Variants in MON1B observed in about 807,000 individuals in gnomAD.
The protein encoded by MON1B is MON1 vesicular trafficking associated B.
A neutral mutation model predicts 45.1 loss-of-function variants in MON1B; 26 were observed. The observed-to-expected ratio is 0.58, with a 90% confidence interval of 0.42 to 0.80. The LOEUF is 0.80. Ranked by LOEUF, MON1B falls within the 30% of genes least tolerant of loss-of-function variation. The pLI, the probability that MON1B is intolerant of heterozygous loss-of-function variation, is 0.00. For missense variants in MON1B, 737 were observed against 754.5 expected (o/e 0.98, Z 0.27); for synonymous variants, 395 against 320.2 (o/e 1.23, Z -2.49).
chr16:77,195,348 C>T (rs1288648877), intron 4 of MON1B, among the ~76,000 whole-genome samples, 187 bp from the exon 5 acceptor site: 3 of 152,166 alleles, frequency 2.0e-5, no homozygotes, highest in African/African-American at 4.8e-5. Context: ...GACAGCAGGG[C>T]CCTAGTACTC....
In MON1B at chr16:77,198,198, G is replaced by A. The variant is rs980020657; in HGVS notation, c.1534G>A (p.Val512Met). The change falls in exon 6 of 6, where the codon GTG becomes ATG. Residue 512 changes from valine to methionine, a missense_variant. Physicochemically the swap from Val to Met is conservative, Grantham distance 21. Coordinates refer to ENST00000248248, the MANE Select transcript of MON1B (RefSeq NM_014940.4). Reference sequence around the variant, plus strand: ...GGTAGTGACCAAACTCCTGCGCTGGGTGAAGAAAGAGGAGGACCGGCTCTT... The same window carrying A: ...GGTAGTGACCAAACTCCTGCGCTGGATGAAGAAAGAGGAGGACCGGCTCTT... ...ILVVTKLLRW[V>M]KKEEDRLFIR... is the part of the protein sequence containing the mutation. 1 of 1,614,134 alleles carries A rather than the reference G, an allele frequency of 6.2e-7. No individual in the cohort carries two copies. The highest frequency in any genetic ancestry group is 8.5e-7 in the Non-Finnish European group (1 of 1,180,018).
intron 5 of MON1B, among the ~76,000 whole-genome samples, chr16:77,197,374 T>C (rs8061301): frequency 0.99 from 151,520 of 152,308 alleles, 75,373 homozygotes; most frequent in Middle Eastern, 1. Context: ...CCAGCCTGGG[T>C]AACAGAGTAA....
chr16:77,195,373 T>A (rs2054655044), intron 4 of MON1B, among the ~76,000 whole-genome samples, 162 bp from the exon 5 acceptor site: 1 of 152,164 alleles, frequency 6.6e-6, no homozygotes, highest in African/African-American at 2.4e-5. Flanking sequence ...AATCTCCTAG[T>A]TTGATGAGGG....
At position 77,198,293 on chromosome 16, in the gene MON1B, G is replaced by A. The variant is rs751644478; in HGVS notation, c.1629G>A (p.Leu543=). The change falls in exon 6 of 6, where the codon TTG becomes TTA. Residue 543 remains leucine (L), a synonymous_variant. Coordinates refer to ENST00000248248, the MANE Select transcript of MON1B (RefSeq NM_014940.4). ...CGGACCAAGCTGCCCATAATGGCTT[G>A]TTCACTGGACTCTGATAGTTGGAGC... ...TSTDQAAHNG[L]FTGL is the part of the protein sequence containing the mutation. 3 of 1,613,780 alleles carry A rather than the reference G, an allele frequency of 1.9e-6. No individual in the cohort carries two copies. Among genetic ancestry groups the A allele is most frequent in the South Asian group, 2.2e-5 (2 of 91,084 alleles).
Position 77,201,308 on chromosome 16 carries a change from CA to C in MON1B, c.*3001del, listed in dbSNP as rs2054740075. The C allele has an allele frequency of 2.0e-5, 3 of 152,176 alleles. No individual in the cohort carries two copies. Among genetic ancestry groups the C allele is most frequent in the Admixed American group, 6.5e-5 (1 of 15,278 alleles). 9.4% of individuals were successfully genotyped at this position (152,176 alleles called of 1,614,324 possible). The stretch of plus-strand genomic sequence containing the variant: ...TTTATTAACTGTGTAATGCAGCTGC[CA>C]CTGCAATTAAAAAAAAAATTTTAGT... On this transcript the variant is annotated 3_prime_UTR_variant, in exon 6 of 6. Coordinates refer to ENST00000248248, the MANE Select transcript of MON1B (RefSeq NM_014940.4).
At chr16:77,196,883 C>T (rs2054670548) in intron 5 of MON1B, among the ~76,000 whole-genome samples, 1 of 152,176 alleles carries the variant, frequency 6.6e-6, no homozygotes, top group Non-Finnish European at 1.5e-5. Flanking sequence ...AAATCCTTCT[C>T]TAGCATTTAT....
rs753062963 is a variant in MON1B at position 77,194,218 on chromosome 16, G to A, written c.476-117G>A. ...CCCAGTCCAGGTGCCCACAGAGTGA[G>A]CATGTGGACTCGGGCCTGGTGTGTG... On this transcript the variant is annotated intron_variant, in intron 3 of 5. Coordinates refer to ENST00000248248, the MANE Select transcript of MON1B (RefSeq NM_014940.4). The surrounding 1 kb of genome is among the most constrained non-coding windows in gnomAD (Gnocchi z 8.1). 2.2e-6 allele frequency: 2 copies of A among 917,336 alleles called. No homozygotes were observed. The highest frequency in any genetic ancestry group is 4.8e-5 in the East Asian group (2 of 41,600). 56.8% of individuals were successfully genotyped at this position (917,336 alleles called of 1,614,324 possible).
Position 77,198,723 on chromosome 16 carries a change from C to A in MON1B, c.*415C>A, listed in dbSNP as rs71396103. ...GGGTGCTGGAATTGGCACTTCAGGGCCAGGCTATGCTTGGGACTGGCCTGA... is the reference window on the plus strand; with the variant it reads ...GGGTGCTGGAATTGGCACTTCAGGGACAGGCTATGCTTGGGACTGGCCTGA... On this transcript the variant is annotated 3_prime_UTR_variant, in exon 6 of 6. Coordinates refer to ENST00000248248, the MANE Select transcript of MON1B (RefSeq NM_014940.4). The A allele has an allele frequency of 0.029, 6,717 of 229,868 alleles. 150 individuals are homozygous for A. Among genetic ancestry groups the A allele is most frequent in the African/African-American group, 0.049 (2,216 of 45,134 alleles). 14.2% of individuals were successfully genotyped at this position (229,868 alleles called of 1,614,324 possible). A position where few individuals can be genotyped will look rare whatever the true frequency, so the allele number is the denominator to read the frequency against.
chr16:77,198,351 T>G lies in MON1B; in HGVS notation c.*43T>G. On this transcript the variant is annotated 3_prime_UTR_variant, in exon 6 of 6. Transcript: ENST00000248248. ...CCAGGCAGTGCTGGGAGCAACCACC[T>G]TTGTTTTTTACCTTCTGTCTACCCT... 1 of 1,579,870 alleles carries G rather than the reference T, an allele frequency of 6.3e-7. No individual in the cohort carries two copies. Among genetic ancestry groups the G allele is most frequent in the Non-Finnish European group, 8.7e-7 (1 of 1,149,154 alleles).
intron 1 of MON1B, 65 bp downstream of exon 1, chr16:77,191,323 G>C (rs2054612625): frequency 6.5e-7 from 1 of 1,545,956 alleles, no homozygotes; most frequent in Non-Finnish European, 8.8e-7. Context: ...GTGTTGGAGG[G>C]GGGACGTATT....
Position 77,194,271 on chromosome 16 carries a change from A to C in MON1B, c.476-64A>C. ...TGGTAGGAGAGGGCAGAAGAGCCCCACTGTCTCCCTCTGGTCATTCCTGAT... is the reference window on the plus strand; with the variant it reads ...TGGTAGGAGAGGGCAGAAGAGCCCCCCTGTCTCCCTCTGGTCATTCCTGAT... On this transcript the variant is annotated intron_variant, in intron 3 of 5. Transcript: ENST00000248248. The surrounding 1 kb of genome is among the most constrained non-coding windows in gnomAD (Gnocchi z 8.1). 3 of 1,421,176 alleles carry C rather than the reference A, an allele frequency of 2.1e-6. No individual in the cohort carries two copies. Among genetic ancestry groups the C allele is most frequent in the Non-Finnish European group, 2.9e-6 (3 of 1,018,634 alleles). 88.0% of individuals were successfully genotyped at this position (1,421,176 alleles called of 1,614,324 possible).
chr16:77,194,621 C>G lies in MON1B; in HGVS notation c.762C>G (p.Ala254=). The change falls in exon 4 of 6, where the codon GCC becomes GCG. Residue 254 remains alanine (A), a synonymous_variant. Transcript: ENST00000248248. This position sits in a 1 kb window ranked among gnomAD's most constrained non-coding sequence, Gnocchi z 8.1. The stretch of plus-strand genomic sequence containing the variant: ...GTGCCGTGCGCTGTGTGCCCCTTGC[C>G]CGCCCGCTGCGAGACGCACTAGGTG... ...LLGAVRCVPL[A]RPLRDALGAL... is the part of the protein sequence containing the mutation. 1 of 1,613,824 alleles carries G rather than the reference C, an allele frequency of 6.2e-7. No homozygotes were observed. Among genetic ancestry groups the G allele is most frequent in the South Asian group, 1.1e-5 (1 of 91,064 alleles).
rs1027812438 is a variant in MON1B at position 77,191,228 on chromosome 16, T to G, written c.-41T>G. The G allele has an allele frequency of 5.9e-6, 9 of 1,536,514 alleles. No homozygotes were observed. Among genetic ancestry groups the G allele is most frequent in the African/African-American group, 2.7e-5 (2 of 73,052 alleles). On this transcript the variant is annotated 5_prime_UTR_variant, in exon 1 of 6. Coordinates refer to ENST00000248248, the MANE Select transcript of MON1B (RefSeq NM_014940.4). ...CCGCCGCTACGGGGAAGTAATGGTA[T>G]CCGGCCAATTGAGATTCGGAGTTAA... is the stretch of plus-strand genomic sequence containing the variant.
In MON1B at chr16:77,199,510, A is replaced by C. The variant is rs754218754; in HGVS notation, c.*1202A>C. On this transcript the variant is annotated 3_prime_UTR_variant, in exon 6 of 6. Transcript: ENST00000248248. ...GCGCCAGAAGCTACTGAGGAGGCTGAAGGTAGTGAGGGCAAGTGGGCTGCA... is the reference window on the plus strand; with the variant it reads ...GCGCCAGAAGCTACTGAGGAGGCTGCAGGTAGTGAGGGCAAGTGGGCTGCA... The C allele has an allele frequency of 6.4e-6, 10 of 1,551,224 alleles. No individual in the cohort carries two copies. In the South Asian group the frequency reaches 1.2e-4, roughly 18 times the overall value.
chr16:77,195,870 T>A lies in MON1B; in HGVS notation c.1443+188T>A, dbSNP rs60108557. 6.9e-3 allele frequency among the ~76,000 whole-genome samples: 1,045 copies of A among 152,310 alleles called. 14 individuals are homozygous for A. Among genetic ancestry groups the A allele is most frequent in the African/African-American group, 0.023 (960 of 41,562 alleles). ...AAGCCCCTGACAACTAATGACCGTG[T>A]CTCTAATCCGACATTAGCCTCACCC... On this transcript the variant is annotated intron_variant, in intron 5 of 5. Transcript: ENST00000248248.
intron 5 of MON1B, among the ~76,000 whole-genome samples, chr16:77,196,730 C>T (rs34143201): frequency 0.29 from 43,476 of 152,088 alleles, 7,796 homozygotes; most frequent in Non-Finnish European, 0.39. Context: ...GAGCCAAGAT[C>T]GCGCCACTGC....
intron 4 of MON1B, 54 bp downstream of exon 4, chr16:77,195,208 A>G: frequency 7.0e-7 from 1 of 1,437,762 alleles, no homozygotes; most frequent in Admixed American, 2.4e-5. Flanking sequence ...TCAAACCAGG[A>G]AGTTCAGCAT....
At chr16:77,197,464 G>A (rs573159613) in intron 5 of MON1B, among the ~76,000 whole-genome samples, 3 of 152,298 alleles carry the variant, frequency 2.0e-5, no homozygotes, top group East Asian at 3.9e-4. Context: ...TGATCAGGGT[G>A]GCCTCCCTGA....
In MON1B at chr16:77,194,846, C is replaced by T; in HGVS notation, c.987C>T (p.Arg329=). The T allele has an allele frequency of 6.2e-7, 1 of 1,610,998 alleles. No homozygotes were observed. The highest frequency in any genetic ancestry group is 8.5e-7 in the Non-Finnish European group (1 of 1,180,022). Residue 329 remains arginine (R), a synonymous_variant, in exon 4 of 6, where the codon CGC becomes CGT. Coordinates refer to ENST00000248248, the MANE Select transcript of MON1B (RefSeq NM_014940.4). This position sits in a 1 kb window ranked among gnomAD's most constrained non-coding sequence, Gnocchi z 8.1. ...CTTGGGCACCTGTGTGCCTGCCCCG[C>T]TTCAACCCTGATGGTTTTTTCTACG... ...GEAWAPVCLP[R]FNPDGFFYAY...
Sources: gnomAD v4.1 joint callset for allele counts (sites outside exome capture counted in the v4.1 genomes callset) on GRCh38, gnomAD v4.1.1 for gene constraint, Gnocchi (gnomAD v3.1) non-coding constraint, MANE v1.5 for transcripts, NCBI Gene and HGNC (gene_info 2026-07-23, HGNC 2026-07-21) for gene names.